Variants in MAPT observed in about 807,000 individuals in gnomAD.
MAPT encodes microtubule associated protein tau, also known as microtubule-associated protein tau.
A neutral mutation model predicts 67.9 loss-of-function variants in MAPT; 34 were observed. The ratio of observed to expected loss-of-function variants is 0.50; its 90% confidence interval spans 0.38 to 0.67. The LOEUF (loss-of-function observed/expected upper bound fraction) is 0.67. Ranked by LOEUF, MAPT falls within the 30% of genes least tolerant of loss-of-function variation. The pLI is 0.00. For synonymous variants in MAPT, 456 were observed against 464.5 expected (o/e 0.98, Z 0.23); for missense variants, 881 against 1,115.2 (o/e 0.79, Z 2.99).
At chr17:46,007,295 G>A (rs2145976468) in intron 9 of MAPT, among the ~76,000 whole-genome samples, 1 of 152,128 alleles carries the variant, frequency 6.6e-6, no homozygotes, top group East Asian at 1.9e-4. Flanking sequence ...GACCGGCCTG[G>A]GTGACATAGC....
intron 5 of MAPT, among the ~76,000 whole-genome samples, chr17:45,984,964 C>T (rs1035455190): frequency 3.9e-5 from 6 of 152,210 alleles, no homozygotes; most frequent in African/African-American, 1.4e-4. Context: ...TTAGATTTTA[C>T]TTTTAGGGAA....
At chr17:45,999,126 A>C in intron 9 of MAPT, 2 of 1,314,512 alleles carry the variant, frequency 1.5e-6, no homozygotes, top group Non-Finnish European at 1.0e-6. Context: ...CATGGTGGGG[A>C]ATGTCCTTCT....
At chr17:45,926,170 C>G (rs960541777) in intron 1 of MAPT, among the ~76,000 whole-genome samples, 1 of 151,428 alleles carries the variant, frequency 6.6e-6, no homozygotes, top group Non-Finnish European at 1.5e-5. Flanking sequence ...AAGATCGTGC[C>G]ACTGCACTCT....
rs566144973 is a variant in MAPT, at chr17:45,999,601, C to T, written c.1998+2937C>T. ...CTTTCAGGGCCAGAACTGTCCCTCCCACCCTGCAGCTGCCCTGCCTCTGCC... is the reference window on the plus strand; with the variant it reads ...CTTTCAGGGCCAGAACTGTCCCTCCTACCCTGCAGCTGCCCTGCCTCTGCC... On this transcript the variant is annotated intron_variant, in intron 9 of 12. Coordinates refer to ENST00000262410, the MANE Select transcript of MAPT (RefSeq NM_001377265.1). 60 of 1,612,240 alleles carry T rather than the reference C, an allele frequency of 3.7e-5. 2 individuals are homozygous for T. In the South Asian group the frequency reaches 6.2e-4, roughly 17 times the overall value.
At chr17:45,989,193 T>A (rs1316093006) in intron 6 of MAPT, among the ~76,000 whole-genome samples, 1 of 152,172 alleles carries the variant, frequency 6.6e-6, no homozygotes, top group Non-Finnish European at 1.5e-5. Flanking sequence ...GGACATTTTC[T>A]TGAGTAACAT....
At chr17:46,003,825 T>C (rs1239277631) in intron 9 of MAPT, among the ~76,000 whole-genome samples, 1 of 151,908 alleles carries the variant, frequency 6.6e-6, no homozygotes, top group Non-Finnish European at 1.5e-5. Flanking sequence ...AGGCATCTTT[T>C]CCTGTACCTC....
chr17:45,974,282 T>A (rs1339933588), intron 3 of MAPT: 3 of 833,216 alleles, frequency 3.6e-6, no homozygotes, highest in Non-Finnish European at 6.0e-6. Flanking sequence ...GCTGATCCCC[T>A]CCTCACTCCT....
intron 1 of MAPT, among the ~76,000 whole-genome samples, chr17:45,943,768 G>T (rs1328322761): frequency 1.3e-5 from 2 of 152,178 alleles, no homozygotes; most frequent in African/African-American, 4.8e-5. Context: ...TGTCTTCCCT[G>T]TGCTTGCCTG....
In MAPT at chr17:45,978,325, C is replaced by T. The variant is rs375882431; in HGVS notation, c.221-50C>T. 6.2e-6 allele frequency: 9 copies of T among 1,447,964 alleles called. No homozygotes were observed. The African/African-American group carries it at 1.1e-4, about 18-fold the overall frequency. The allele number at this position is 1,447,964 out of a possible 1,614,324, so 89.7% of individuals were successfully genotyped here. ...TACAGAGAGCTTGGTTTCTAGTAAA[C>T]AATAACTGTCTTGCTTTTACCCCCC... On this transcript the variant is annotated intron_variant, in intron 3 of 12. Transcript: ENST00000262410.
intron 1 of MAPT, among the ~76,000 whole-genome samples, chr17:45,948,105 C>T (rs1241469232): frequency 6.6e-6 from 1 of 151,958 alleles, no homozygotes; most frequent in Non-Finnish European, 1.5e-5. Flanking sequence ...CTCCCAGGTT[C>T]AAGCATTCTC....
chr17:45,914,093 C>A (rs563477573), intron 1 of MAPT, among the ~76,000 whole-genome samples: 1 of 145,412 alleles, frequency 6.9e-6, no homozygotes, highest in Admixed American at 7.0e-5. Flanking sequence ...TGCTTGATCT[C>A]CCTCATAATA....
intron 9 of MAPT, among the ~76,000 whole-genome samples, chr17:46,000,255 G>C (rs989454067): frequency 1.3e-5 from 2 of 152,156 alleles, no homozygotes; most frequent in African/African-American, 2.4e-5. Flanking sequence ...GGGGAAAAAC[G>C]GAAAACGTCT....
rs1224803823 is a variant in MAPT, at chr17:45,983,917, C to T, written c.1338C>T (p.Val446=). 3.2e-6 allele frequency: 5 copies of T among 1,570,616 alleles called. No individual in the cohort carries two copies. In the South Asian group the frequency reaches 5.9e-5, roughly 19 times the overall value. ...AAPRGKPVSR[V]PQLKARMVSK... The stretch of plus-strand genomic sequence containing the variant: ...CGCGGGGGAAGCCCGTCAGCCGGGT[C>T]CCTCAACTCAAAGGTCTGTGTCTTG... Residue 446 remains valine (V), a synonymous_variant, in exon 5 of 13, where the codon GTC becomes GTT. Transcript: ENST00000262410.
At chr17:46,020,902 C>G (rs2076488510) in intron 12 of MAPT, among the ~76,000 whole-genome samples, 1 of 151,974 alleles carries the variant, frequency 6.6e-6, no homozygotes, top group South Asian at 2.1e-4. Flanking sequence ...GGTCTGAGAC[C>G]CAAGTCAGCA....
intron 9 of MAPT, chr17:45,999,756 G>T: frequency 8.6e-7 from 1 of 1,163,204 alleles, no homozygotes; most frequent in African/African-American, 1.6e-5. Context: ...AAGGAGAAAG[G>T]GTGACTTGAC....
intron 9 of MAPT, among the ~76,000 whole-genome samples, chr17:46,006,899 G>C (rs2075469477): frequency 6.6e-6 from 1 of 150,384 alleles, no homozygotes; most frequent in Non-Finnish European, 1.5e-5. Context: ...CTCCAGCCTG[G>C]GCGACAAGGC....
At chr17:45,999,539 G>A in intron 9 of MAPT, 1 of 1,613,494 alleles carries the variant, frequency 6.2e-7, no homozygotes, top group Non-Finnish European at 8.5e-7. Context: ...AGCAGGAATG[G>A]GGCTGAGCAG....
intron 1 of MAPT, among the ~76,000 whole-genome samples, chr17:45,932,898 A>G (rs183002593): frequency 1.2e-3 from 179 of 151,906 alleles, no homozygotes; most frequent in African/African-American, 4.2e-3. Context: ...CCTAACCAAC[A>G]TGATGAAACC....
In MAPT at chr17:45,999,310, A is replaced by G. The variant is rs755454853; in HGVS notation, c.1998+2646A>G. On this transcript the variant is annotated intron_variant, in intron 9 of 12. Transcript: ENST00000262410. ...TGAGGGTGGAGGCCAAGTCTCATGCATTTTTGCAGCCCCCACAAGACTGTG... is the reference window on the plus strand; with the variant it reads ...TGAGGGTGGAGGCCAAGTCTCATGCGTTTTTGCAGCCCCCACAAGACTGTG... 3 of 1,613,580 alleles carry G rather than the reference A, an allele frequency of 1.9e-6. No homozygotes were observed. The Admixed American group carries it at 5.0e-5, about 27-fold the overall frequency.
Sources: gnomAD v4.1 joint callset for allele counts (sites outside exome capture counted in the v4.1 genomes callset) on GRCh38, gnomAD v4.1.1 for gene constraint, MANE v1.5 for transcripts, NCBI Gene and HGNC (gene_info 2026-07-23, HGNC 2026-07-21) for gene names.